The following SRPK2 variants were observed in gnomAD, a reference collection of about 807,000 sequenced individuals.
SRPK2 encodes the protein SRSF protein kinase 2.
In SRPK2, 21 loss-of-function variants were observed where a neutral mutation model predicts 90.8. The observed-to-expected ratio is 0.23, with a 90% confidence interval of 0.16 to 0.33. The LOEUF (loss-of-function observed/expected upper bound fraction) is 0.33, where lower values mean the gene tolerates loss of function less well. Ranked by LOEUF, SRPK2 falls within the 10% of genes least tolerant of loss-of-function variation. The pLI is 1.00. For missense variants in SRPK2, 620 were observed against 869.0 expected, an observed-to-expected ratio of 0.71 and a Z score of 3.60; for synonymous variants, 288 against 311.1, an observed-to-expected ratio of 0.93 and a Z score of 0.78.
intron 3 of SRPK2, among the ~76,000 whole-genome samples, chr7:105,179,047 G>T (rs2129596240): frequency 6.6e-6 from 1 of 152,162 alleles, no homozygotes. Flanking sequence ...AAATATAAAT[G>T]GATTCAGAAA....
At chr7:105,244,914 G>A (rs1801390181) in intron 2 of SRPK2, 3 of 1,486,360 alleles carry the variant, frequency 2.0e-6, no homozygotes, top group Non-Finnish European at 2.8e-6. Context: ...GAGGAAGCGG[G>A]AGGAGCAAAG....
intron 3 of SRPK2, among the ~76,000 whole-genome samples, chr7:105,197,008 T>C (rs935507479): frequency 7.9e-5 from 12 of 151,994 alleles, no homozygotes; most frequent in African/African-American, 2.2e-4. Context: ...GATTGCAGCA[T>C]TGCACTCCAG....
At chr7:105,140,604 A>G (rs1803597494) in intron 11 of SRPK2, among the ~76,000 whole-genome samples, 1 of 152,000 alleles carries the variant, frequency 6.6e-6, no homozygotes, top group Non-Finnish European at 1.5e-5. Context: ...TGTCTCAAAA[A>G]ATAAATAAAT....
chr7:105,141,278 G>A (rs896584967), intron 11 of SRPK2, among the ~76,000 whole-genome samples: 3 of 152,150 alleles, frequency 2.0e-5, no homozygotes, highest in Non-Finnish European at 2.9e-5. Flanking sequence ...AATTTTACTC[G>A]CTGTGTGTTA....
chr7:105,249,216 T>C (rs1293381106), intron 2 of SRPK2, among the ~76,000 whole-genome samples: 2 of 152,286 alleles, frequency 1.3e-5, no homozygotes, highest in East Asian at 3.9e-4. Flanking sequence ...GGCATAGGGG[T>C]TTGGAGCTCC....
chr7:105,118,070 T>C, intron 15 of SRPK2, 48 bp from the exon 16 acceptor site: 4 of 1,594,926 alleles, frequency 2.5e-6, no homozygotes, highest in Non-Finnish European at 1.7e-6. Flanking sequence ...CAAATCTGCA[T>C]TCCCCATTGT....
chr7:105,131,267 G>A (rs1420673392), intron 13 of SRPK2, among the ~76,000 whole-genome samples: 4 of 152,000 alleles, frequency 2.6e-5, no homozygotes, highest in Non-Finnish European at 4.4e-5. Context: ...CCTGCTCCCC[G>A]ACTCCCACTC....
chr7:105,235,175 A>G (rs1449921120), intron 2 of SRPK2, among the ~76,000 whole-genome samples: 3 of 152,170 alleles, frequency 2.0e-5, no homozygotes, highest in Non-Finnish European at 4.4e-5. Context: ...TACAAGTATT[A>G]TTTGGCAACG....
At chr7:105,229,380 C>T (rs1398513578) in intron 2 of SRPK2, among the ~76,000 whole-genome samples, 1 of 151,902 alleles carries the variant, frequency 6.6e-6, no homozygotes, top group Admixed American at 6.6e-5. Flanking sequence ...AGAAGAATGG[C>T]GTGAACCCGG....
At chr7:105,252,746 TC>T (rs770183964) in intron 2 of SRPK2, among the ~76,000 whole-genome samples, 1,396 of 74,986 alleles carry the variant, frequency 0.019, 8 homozygotes, top group African/African-American at 0.032. Context: ...CTTTTTTTTT[TC>T]TTTTTTTTTT....
chr7:105,167,984 CATTCA>C lies in SRPK2; in HGVS notation c.426+19_426+23del. The C allele has an allele frequency of 6.5e-7, 1 of 1,534,010 alleles. No individual in the cohort carries two copies. Among genetic ancestry groups the C allele is most frequent in the Non-Finnish European group, 8.9e-7 (1 of 1,123,194 alleles). The stretch of plus-strand genomic sequence containing the variant: ...TTTAAGTCATTAAGTTTTCTTATAT[CATTCA>C]CATTTTTAAAGTACTTACACATTTG... On this transcript the variant is annotated intron_variant, in intron 5 of 15. Transcript: ENST00000393651.
chr7:105,210,797 G>A (rs1041158843), intron 2 of SRPK2, among the ~76,000 whole-genome samples: 5 of 152,300 alleles, frequency 3.3e-5, no homozygotes, highest in Admixed American at 2.0e-4. Flanking sequence ...GAAGCGGAGC[G>A]GCGGGCTCCA....
At position 105,143,146 on chromosome 7, in the gene SRPK2, T is replaced by C. The variant is rs767301483; in HGVS notation, c.998A>G (p.Glu333Gly). Residue 333 changes from glutamate to glycine, a missense_variant, in exon 10 of 16, where the codon GAG becomes GGG. Transcript: ENST00000393651. Reference sequence around the variant, plus strand: ...TAATCCTGTTGTTTTTAGTTTCACCTCTGGGCAGTATTCGCCATCCTGGTC... The same window carrying C: ...TAATCCTGTTGTTTTTAGTTTCACCCCTGGGCAGTATTCGCCATCCTGGTC... The part of the protein sequence containing the change: ...SNDQDGEYCP[E>G]VKLKTTGLEE... The C allele has an allele frequency of 6.2e-7, 1 of 1,614,188 alleles. No homozygotes were observed. The highest frequency in any genetic ancestry group is 8.5e-7 in the Non-Finnish European group (1 of 1,180,028).
chr7:105,350,508 G>A (rs974192314), intron 2 of SRPK2, among the ~76,000 whole-genome samples: 1 of 147,380 alleles, frequency 6.8e-6, no homozygotes. Flanking sequence ...CAATAACCCT[G>A]TGGTTGCTAC....
intron 2 of SRPK2, among the ~76,000 whole-genome samples, chr7:105,347,114 A>AC (rs1816557192): frequency 6.6e-6 from 1 of 150,676 alleles, no homozygotes; most frequent in Non-Finnish European, 1.5e-5. Flanking sequence ...GCTGAAGTGC[A>AC]GTGGGCATGA....
chr7:105,395,243 A>G (rs1378567180), intron 1 of SRPK2, among the ~76,000 whole-genome samples: 1 of 152,120 alleles, frequency 6.6e-6, no homozygotes, highest in Non-Finnish European at 1.5e-5. Flanking sequence ...TAACTCTAGC[A>G]CTTTGAAAGT....
chr7:105,359,035 A>G (rs1466398043), intron 2 of SRPK2, among the ~76,000 whole-genome samples: 1 of 151,888 alleles, frequency 6.6e-6, no homozygotes, highest in African/African-American at 2.4e-5. Flanking sequence ...ACCTCAAGCC[A>G]TTCAAGAGGG....
intron 2 of SRPK2, among the ~76,000 whole-genome samples, chr7:105,230,702 C>T (rs899087596): frequency 6.6e-6 from 1 of 152,186 alleles, no homozygotes; most frequent in South Asian, 2.1e-4. Context: ...CAAACGTCAA[C>T]TGTTAAAATA....
chr7:105,326,790 G>A (rs574007776), intron 2 of SRPK2, among the ~76,000 whole-genome samples: 4 of 152,258 alleles, frequency 2.6e-5, no homozygotes, highest in Non-Finnish European at 5.9e-5. Context: ...GGCCGGGCGC[G>A]GTGGCTCACG....
Sources: allele counts gnomAD v4.1 joint callset (sites outside exome capture counted in the v4.1 genomes callset), GRCh38; gene constraint gnomAD v4.1.1; transcripts MANE v1.5; gene names NCBI Gene and HGNC (gene_info 2026-07-23, HGNC 2026-07-21).